The following LYRM4 variants were observed in gnomAD, a reference collection of about 807,000 sequenced individuals.
LYRM4 encodes LYR motif-containing protein 4.
In LYRM4, 9 loss-of-function variants were observed where a neutral mutation model predicts 11.7. That is an observed-to-expected ratio of 0.77 (90% confidence interval 0.46 to 1.34). LYRM4 has a LOEUF of 1.34. Ranked by LOEUF, LYRM4 falls within the 40% of genes most tolerant of loss-of-function variation. LYRM4 has a pLI of 0.00. For missense variants in LYRM4, 133 were observed against 112.5 expected, an observed-to-expected ratio of 1.18 and a Z score of -0.82; for synonymous variants, 42 against 40.4, an observed-to-expected ratio of 1.04 and a Z score of -0.15.
At chr6:5,189,742 A>G (rs1336079056) in intron 2 of LYRM4, among the ~76,000 whole-genome samples, 1 of 152,240 alleles carries the variant, frequency 6.6e-6, no homozygotes, top group Non-Finnish European at 1.5e-5. Context: ...GCAAAAAAGT[A>G]AAACACACAA....
chr6:5,141,343 G>A (rs1410246608), intron 2 of LYRM4, among the ~76,000 whole-genome samples: 5 of 152,154 alleles, frequency 3.3e-5, no homozygotes, highest in Non-Finnish European at 7.3e-5. Context: ...CGGCTTCTCT[G>A]CGCATCAGTT....
chr6:5,169,456 C>T (rs1759288841), intron 2 of LYRM4, among the ~76,000 whole-genome samples: 1 of 152,044 alleles, frequency 6.6e-6, no homozygotes, highest in African/African-American at 2.4e-5. Flanking sequence ...AAATGACGGC[C>T]AAGAGTATAG....
intron 2 of LYRM4, among the ~76,000 whole-genome samples, chr6:5,117,447 C>T (rs1763171931): frequency 6.6e-6 from 1 of 151,610 alleles, no homozygotes; most frequent in South Asian, 2.1e-4. Flanking sequence ...CGCAGCTACT[C>T]GGGAGGCTGA....
intron 2 of LYRM4, among the ~76,000 whole-genome samples, chr6:5,129,123 T>C (rs893728076): frequency 2.0e-5 from 3 of 152,218 alleles, no homozygotes; most frequent in Non-Finnish European, 4.4e-5. Context: ...CTGCACTTGA[T>C]GGTGTGATCT....
intron 1 of LYRM4, among the ~76,000 whole-genome samples, chr6:5,258,877 A>G (rs899880681): frequency 6.6e-6 from 1 of 152,178 alleles, no homozygotes; most frequent in East Asian, 1.9e-4. Context: ...TGATTTTCCT[A>G]AAGTTTGAAT....
intron 2 of LYRM4, among the ~76,000 whole-genome samples, chr6:5,175,104 A>T (rs754233559): frequency 6.6e-6 from 1 of 152,198 alleles, no homozygotes; most frequent in Non-Finnish European, 1.5e-5. Flanking sequence ...CCAGACCCCA[A>T]TGTGGAAATT....
intron 2 of LYRM4, among the ~76,000 whole-genome samples, chr6:5,164,291 C>G (rs968655231): frequency 6.6e-6 from 1 of 152,142 alleles, no homozygotes; most frequent in African/African-American, 2.4e-5. Flanking sequence ...ACTATTCACA[C>G]TAGCCCAAAA....
intron 2 of LYRM4, among the ~76,000 whole-genome samples, chr6:5,189,284 G>C (rs1275734188): frequency 6.7e-6 from 1 of 149,120 alleles, no homozygotes; most frequent in Non-Finnish European, 1.5e-5. Flanking sequence ...CCTAAGGTTA[G>C]TGCTTAGCCT....
rs1762742282 is a variant in LYRM4 at position 5,108,660 on chromosome 6, C to T, written c.*763G>A. ...GCCAGATTTGGGCACCGGTGCTGCCCAGCATGCCCCAGGCTTCAGGGTATG... is the reference window on the plus strand; with the variant it reads ...GCCAGATTTGGGCACCGGTGCTGCCTAGCATGCCCCAGGCTTCAGGGTATG... On this transcript the variant is annotated 3_prime_UTR_variant, in exon 3 of 3. Transcript: ENST00000330636. 1 of 572,892 alleles carries T rather than the reference C, an allele frequency of 1.7e-6. No individual in the cohort carries two copies. The highest frequency in any genetic ancestry group is 6.3e-5 in the Admixed American group (1 of 15,754). 35.5% of individuals were successfully genotyped at this position (572,892 alleles called of 1,614,324 possible).
At chr6:5,237,095 G>T (rs1341040997) in intron 1 of LYRM4, among the ~76,000 whole-genome samples, 2 of 152,202 alleles carry the variant, frequency 1.3e-5, no homozygotes, top group African/African-American at 2.4e-5. Flanking sequence ...GAGCTTGTAT[G>T]GGAGTGTAAC....
At chr6:5,086,841 A>T in the LYRM4 span, 33 of 492,346 alleles carry the variant, frequency 6.7e-5, no homozygotes, top group Non-Finnish European at 9.2e-5. Flanking sequence ...AGCCTGCGTC[A>T]GAATAGGAAG....
At chr6:5,156,630 G>A (rs752930764) in intron 2 of LYRM4, among the ~76,000 whole-genome samples, 1 of 152,236 alleles carries the variant, frequency 6.6e-6, no homozygotes, top group Non-Finnish European at 1.5e-5. Flanking sequence ...TTGCTGAGCT[G>A]CCTCATGCTC....
chr6:5,095,185 G>T, the LYRM4 span, among the ~76,000 whole-genome samples: 1 of 152,288 alleles, frequency 6.6e-6, no homozygotes, highest in Non-Finnish European at 1.5e-5. Context: ...ATCGGGGAGA[G>T]GGTGTGATTC....
intron 2 of LYRM4, chr6:5,136,650 T>G (rs899187416): frequency 7.1e-6 from 7 of 985,446 alleles, no homozygotes; most frequent in Non-Finnish European, 8.4e-6. Context: ...ATCCCAGGTG[T>G]TGTCAAAGAA....
At chr6:5,227,715 C>T (rs1340618837) in intron 1 of LYRM4, among the ~76,000 whole-genome samples, 1 of 152,118 alleles carries the variant, frequency 6.6e-6, no homozygotes, top group African/African-American at 2.4e-5. Flanking sequence ...TTTACAATAG[C>T]AAAGACTTGG....
At chr6:5,119,164 G>T (rs1011685475) in intron 2 of LYRM4, among the ~76,000 whole-genome samples, 3 of 152,200 alleles carry the variant, frequency 2.0e-5, no homozygotes, top group African/African-American at 7.2e-5. Context: ...GGGAGGCAGT[G>T]GGGAGTCGGC....
chr6:5,187,404 CATCATTAAGTGGCTA>C (rs1490182639), intron 2 of LYRM4, among the ~76,000 whole-genome samples: 9 of 152,202 alleles, frequency 5.9e-5, no homozygotes, highest in Non-Finnish European at 1.3e-4. Context: ...TGTAAACGTC[CATCATTAAGTGGCTA>C]ATTAGATAGA....
chr6:5,106,176 T>C (rs967124766), downstream of LYRM4: 2 of 152,294 alleles, frequency 1.3e-5, no homozygotes, highest in African/African-American at 4.8e-5. Flanking sequence ...TGTCATTTTC[T>C]TCTCAGATTT....
chr6:5,153,290 C>T (rs1167267180), intron 2 of LYRM4, among the ~76,000 whole-genome samples: 1 of 152,130 alleles, frequency 6.6e-6, no homozygotes, highest in Non-Finnish European at 1.5e-5. Context: ...GGTGTTTTGC[C>T]ATGGTGGCCA....
Sources: gnomAD v4.1 joint callset for allele counts (sites outside exome capture counted in the v4.1 genomes callset) on GRCh38, gnomAD v4.1.1 for gene constraint, MANE v1.5 for transcripts, NCBI Gene and HGNC (gene_info 2026-07-23, HGNC 2026-07-21) for gene names.